PTH1R: variants seen among roughly 807,000 people sequenced by gnomAD.
PTH1R encodes the protein parathyroid hormone/parathyroid hormone-related peptide receptor.
PTH1R carries 32 observed loss-of-function variants against 70.7 expected under a neutral mutation model. That is an observed-to-expected ratio of 0.45 (90% confidence interval 0.34 to 0.61). The LOEUF (loss-of-function observed/expected upper bound fraction) is 0.61, where lower values mean the gene tolerates loss of function less well. PTH1R is among the 20% of genes least tolerant of loss of function. The pLI is 0.01. For missense variants in PTH1R, 626 were observed against 792.5 expected (o/e 0.79, Z 2.52); for synonymous variants, 329 against 324.8 (o/e 1.01, Z -0.14).
In PTH1R at chr3:46,901,832, G is replaced by A. The variant is rs781036233; in HGVS notation, c.1183G>A (p.Gly395Ser). ...LATKLRETNA[G>S]RCDTRQQYRK... ...CACCAAGCTGCGGGAGACCAACGCC[G>A]GCCGGTGTGACACACGGCAGCAGTA... The change falls in exon 13 of 16, where the codon GGC (glycine) becomes AGC (serine). Residue 395 changes from glycine (G) to serine (S), a missense_variant. This residue lies in a region of PTH1R where 495 missense variants were observed against 638.7 expected (regional missense o/e 0.77). Coordinates refer to ENST00000449590, the MANE Select transcript of PTH1R (RefSeq NM_000316.3). The surrounding 1 kb of genome is among the most constrained non-coding windows in gnomAD (Gnocchi z 7.3). 1.4e-5 allele frequency: 22 copies of A among 1,613,762 alleles called. No individual in the cohort carries two copies. Among genetic ancestry groups the A allele is most frequent in the East Asian group, 6.7e-5 (3 of 44,884 alleles).
rs769587862 is a variant in PTH1R, at chr3:46,903,222, G to A, written c.1396-48G>A. 5.6e-6 allele frequency: 9 copies of A among 1,608,194 alleles called. No homozygotes were observed. The highest frequency in any genetic ancestry group is 4.4e-5 in the South Asian group (4 of 90,364). On this transcript the variant is annotated intron_variant, in intron 15 of 15. Transcript: ENST00000449590. This position sits in a 1 kb window ranked among gnomAD's most constrained non-coding sequence, Gnocchi z 4.4. ...TGTCCAGGGGCCGGGATGGGGCATC[G>A]CTGGGGTTGGGAGACACACCTGACT...
At chr3:46,888,096 G>A (rs2031154705) in intron 3 of PTH1R, among the ~76,000 whole-genome samples, 1 of 152,134 alleles carries the variant, frequency 6.6e-6, no homozygotes, top group African/African-American at 2.4e-5. Context: ...GGGCCTCTCT[G>A]CCCACACCCA....
chr3:46,898,449 T>A lies in PTH1R; in HGVS notation c.615T>A (p.Ala205=). Residue 205 remains alanine, a synonymous_variant, in exon 8 of 16, where the codon GCT becomes GCA. Coordinates refer to ENST00000449590, the MANE Select transcript of PTH1R (RefSeq NM_000316.3). ...YSVSLASLTV[A]VLILAYFRRL... is the part of the protein sequence containing the mutation. ...TGTCCCTGGCGTCCCTCACCGTAGC[T>A]GTGCTCATCCTGGCCTACTTTAGGT... The A allele has an allele frequency of 6.2e-7, 1 of 1,613,974 alleles. No homozygotes were observed. The highest frequency in any genetic ancestry group is 1.1e-5 in the South Asian group (1 of 91,082).
Position 46,898,787 on chromosome 3 carries a change from G to A in PTH1R, c.764G>A (p.Arg255His), listed in dbSNP as rs1027263198. 5 of 1,599,806 alleles carry A rather than the reference G, an allele frequency of 3.1e-6. No homozygotes were observed. The African/African-American group carries it at 6.7e-5, about 21-fold the overall frequency. ...GGCGCCACGCTTGATGAGGCTGAGC[G>A]CCTCACCGAGGAGGAGCTGCGCGCC... ...YSGATLDEAE[R>H]LTEEELRAIA... Residue 255 changes from arginine (R) to histidine (H), a missense_variant, in exon 9 of 16, where the codon CGC becomes CAC. By Grantham distance (29) the Arg-to-His change is conservative. Around this residue, in one of 3 missense-constraint regions of PTH1R, gnomAD observed 495 missense variants for 638.7 expected, o/e 0.77. Transcript: ENST00000449590.
rs117096847 is a variant in PTH1R, at chr3:46,902,317, G to T, written c.1212-209G>T. Among the ~76,000 whole-genome samples the T allele has an allele frequency of 6.6e-6, 1 of 152,160 alleles. No individual in the cohort carries two copies. The highest frequency in any genetic ancestry group is 2.4e-5 in the African/African-American group (1 of 41,416). The stretch of plus-strand genomic sequence containing the variant: ...ACAGGGGGACTGTCATTTGAAGTCC[G>T]CTCCGGGACACCGCTGAGAACCAAC... On this transcript the variant is annotated intron_variant, in intron 13 of 15. Transcript: ENST00000449590. The surrounding 1 kb of genome is among the most constrained non-coding windows in gnomAD (Gnocchi z 5.4).
rs988002464 is a variant in PTH1R, at chr3:46,896,513, G to T, written c.313+644G>T. On this transcript the variant is annotated intron_variant, in intron 5 of 15. Transcript: ENST00000449590. This position sits in a 1 kb window ranked among gnomAD's most constrained non-coding sequence, Gnocchi z 4.1. ...CCGGTTTCAGCCGGCCGGGTGGGCA[G>T]CAGATTCCAGATGGGCCACATCTGG... Among the ~76,000 whole-genome samples the T allele has an allele frequency of 4.6e-5, 7 of 152,248 alleles. No homozygotes were observed. The highest frequency in any genetic ancestry group is 1.7e-4 in the African/African-American group (7 of 41,468).
At position 46,902,421 on chromosome 3, in the gene PTH1R, G is replaced by A. The variant is rs2032178932; in HGVS notation, c.1212-105G>A. On this transcript the variant is annotated intron_variant, in intron 13 of 15. Coordinates refer to ENST00000449590, the MANE Select transcript of PTH1R (RefSeq NM_000316.3). The surrounding 1 kb of genome is among the most constrained non-coding windows in gnomAD (Gnocchi z 5.4). ...CCTCCCATGGTGACTGGAGCCCTGG[G>A]CCCCTTTGAGCTTCCGGAGCCTGGG... 7.5e-6 allele frequency: 11 copies of A among 1,474,564 alleles called. No individual in the cohort carries two copies. Among genetic ancestry groups the A allele is most frequent in the Non-Finnish European group, 1.0e-5 (11 of 1,079,786 alleles). The allele number at this position is 1,474,564 out of a possible 1,614,324, so 91.3% of individuals were successfully genotyped here. A position where few individuals can be genotyped will look rare whatever the true frequency, so the allele number is the denominator to read the frequency against.
intron 3 of PTH1R, among the ~76,000 whole-genome samples, chr3:46,890,553 G>C (rs1490803310): frequency 1.3e-4 from 18 of 133,566 alleles, no homozygotes; most frequent in Non-Finnish European, 4.6e-5. Context: ...GCCCAGGCTA[G>C]AGTGCAATGG....
At chr3:46,878,448 C>T (rs1156783549) in intron 1 of PTH1R, among the ~76,000 whole-genome samples, 1 of 152,190 alleles carries the variant, frequency 6.6e-6, no homozygotes, top group Non-Finnish European at 1.5e-5. Flanking sequence ...GATAAGAACT[C>T]AGCCTGAGGC....
Position 46,893,806 on chromosome 3 carries a change from G to A in PTH1R, c.76-101G>A, listed in dbSNP as rs41290644. 6.4e-3 allele frequency: 6,700 copies of A among 1,054,408 alleles called. 30 individuals are homozygous for A. The highest frequency in any genetic ancestry group is 8.0e-3 in the Non-Finnish European group (5,545 of 689,958). 65.3% of individuals were successfully genotyped at this position (1,054,408 alleles called of 1,614,324 possible). The stretch of plus-strand genomic sequence containing the variant: ...ATCCCACCTTCCCTCTAGAGTCAGG[G>A]CCTTTTGAAAGGGGGTAGTCCCTCT... On this transcript the variant is annotated intron_variant, in intron 3 of 15. Coordinates refer to ENST00000449590, the MANE Select transcript of PTH1R (RefSeq NM_000316.3). The surrounding 1 kb of genome is among the most constrained non-coding windows in gnomAD (Gnocchi z 5.2).
chr3:46,894,094 G>A, intron 4 of PTH1R, 85 bp downstream of exon 4: 58 of 1,395,536 alleles, frequency 4.2e-5, no homozygotes, highest in Non-Finnish European at 5.5e-5. Context: ...ACAGAGCCAG[G>A]TGAAGGCTCT....
At chr3:46,900,601 A>G (rs1433987214) in intron 10 of PTH1R, among the ~76,000 whole-genome samples, 1 of 152,078 alleles carries the variant, frequency 6.6e-6, no homozygotes, top group Non-Finnish European at 1.5e-5. Flanking sequence ...CACGAGGGCT[A>G]GGACCTTTCA....
At chr3:46,899,988 G>T (rs2032022490) in intron 10 of PTH1R, among the ~76,000 whole-genome samples, 1 of 152,224 alleles carries the variant, frequency 6.6e-6, no homozygotes, top group Admixed American at 6.5e-5. Flanking sequence ...TGGGTTGCTG[G>T]AGCTGCGCAC....
At position 46,895,846 on chromosome 3, in the gene PTH1R, C is replaced by T; in HGVS notation, c.290C>T (p.Ala97Val). 5 of 1,613,648 alleles carry T rather than the reference C, an allele frequency of 3.1e-6. No homozygotes were observed. Among genetic ancestry groups the T allele is most frequent in the South Asian group, 1.1e-5 (1 of 91,056 alleles). Residue 97 changes from alanine (A) to valine (V), a missense_variant, in exon 5 of 16, where the codon GCA becomes GTA. By Grantham distance (64) the Ala-to-Val change is moderately conservative. This residue lies in a region of PTH1R where 123 missense variants were observed against 125.7 expected (regional missense o/e 0.98). Coordinates refer to ENST00000449590, the MANE Select transcript of PTH1R (RefSeq NM_000316.3). Reference protein sequence around the residue: ...LYPESEEDKEAPTGSRYRGRP... With the variant: ...LYPESEEDKEVPTGSRYRGRP... ...CCTGAGTCTGAGGAGGACAAGGAGG[C>T]ACCCACTGGCAGCAGGTACCGAGGT... is the stretch of plus-strand genomic sequence containing the variant.
At position 46,892,916 on chromosome 3, in the gene PTH1R, C is replaced by A; in HGVS notation, c.76-991C>A. 1.5e-6 allele frequency: 1 copy of A among 648,904 alleles called. No homozygotes were observed. Among genetic ancestry groups the A allele is most frequent in the Non-Finnish European group, 1.9e-6 (1 of 521,380 alleles). 40.2% of individuals were successfully genotyped at this position (648,904 alleles called of 1,614,324 possible). Reference sequence around the variant, plus strand: ...GGGATGGGGCTGAGGGCTTCACAGCCCCGCCCTGGGGAGGTTTCAGAGACC... The same window carrying A: ...GGGATGGGGCTGAGGGCTTCACAGCACCGCCCTGGGGAGGTTTCAGAGACC... On this transcript the variant is annotated intron_variant, in intron 3 of 15. Transcript: ENST00000449590. This position sits in a 1 kb window ranked among gnomAD's most constrained non-coding sequence, Gnocchi z 5.2.
Position 46,903,547 on chromosome 3 carries a change from C to T in PTH1R, c.1673C>T (p.Pro558Leu), listed in dbSNP as rs779886560. ...LETTPPAMAA[P>L]KDDGFLNGSC... ...ACCACACCACCTGCCATGGCTGCTC[C>T]CAAGGACGATGGGTTCCTCAACGGC... is the stretch of plus-strand genomic sequence containing the variant. The change falls in exon 16 of 16, where the codon CCC becomes CTC. Residue 558 changes from proline (P) to leucine (L), a missense_variant. By Grantham distance (98) the Pro-to-Leu change is moderately conservative. Transcript: ENST00000449590. This position sits in a 1 kb window ranked among gnomAD's most constrained non-coding sequence, Gnocchi z 4.4. 1.2e-6 allele frequency: 2 copies of T among 1,613,976 alleles called. No individual in the cohort carries two copies. Among genetic ancestry groups the T allele is most frequent in the Non-Finnish European group, 1.7e-6 (2 of 1,180,024 alleles).
chr3:46,899,774 G>A (rs2032004105), intron 10 of PTH1R, among the ~76,000 whole-genome samples: 1 of 152,200 alleles, frequency 6.6e-6, no homozygotes, highest in Admixed American at 6.5e-5. Flanking sequence ...TCAGCCTGGG[G>A]CTGGAATTGG....
In PTH1R at chr3:46,881,051, C is replaced by T. The variant is rs998231295; in HGVS notation, c.-105-11C>T. ...CCCTTGAATCAGCTGGCCAACCTCT[C>T]CATTTTGCAGATGAGGAAACTGAGG... On this transcript the variant is annotated splice_polypyrimidine_tract_variant and intron_variant, in intron 1 of 15. Transcript: ENST00000449590. The T allele has an allele frequency of 6.6e-6, 1 of 152,444 alleles. No individual in the cohort carries two copies. Among genetic ancestry groups the T allele is most frequent in the Non-Finnish European group, 1.5e-5 (1 of 68,208 alleles). The allele number at this position is 152,444 out of a possible 1,614,324, so 9.4% of individuals were successfully genotyped here.
In PTH1R at chr3:46,901,162, C is replaced by T; in HGVS notation, c.1049+77C>T. On this transcript the variant is annotated intron_variant, in intron 11 of 15. Coordinates refer to ENST00000449590, the MANE Select transcript of PTH1R (RefSeq NM_000316.3). The surrounding 1 kb of genome is among the most constrained non-coding windows in gnomAD (Gnocchi z 7.3). ...TTCTTCCAGGAAGCATGTGAGAGGG[C>T]CTCCTGTACCCTGGCCTCAAACGGC... The T allele has an allele frequency of 1.3e-6, 2 of 1,495,188 alleles. No homozygotes were observed. Among genetic ancestry groups the T allele is most frequent in the Non-Finnish European group, 9.1e-7 (1 of 1,097,266 alleles). 92.6% of individuals were successfully genotyped at this position (1,495,188 alleles called of 1,614,324 possible).
Sources: allele counts gnomAD v4.1 joint callset (sites outside exome capture counted in the v4.1 genomes callset), GRCh38; gene constraint gnomAD v4.1.1; regional missense constraint gnomAD v4.1.1; non-coding constraint Gnocchi (gnomAD v3.1); transcripts MANE v1.5; gene names NCBI Gene and HGNC (gene_info 2026-07-23, HGNC 2026-07-21).